The following USP36 variants were observed in gnomAD, a reference collection of about 807,000 sequenced individuals.
The protein encoded by USP36 is ubiquitin specific peptidase 36.
In USP36, 59 loss-of-function variants were observed where a neutral mutation model predicts 111.5. The observed-to-expected ratio is 0.53, with a 90% CI of 0.43 to 0.66. USP36 has a LOEUF of 0.66. Among genes scored for constraint, USP36 ranks in the 30% least tolerant of loss-of-function variants. USP36 has a pLI of 0.00. For missense variants in USP36, 1,488 were observed against 1,468.0 expected (o/e 1.01, Z -0.22); for synonymous variants, 628 against 581.0 (o/e 1.08, Z -1.16).
chr17:78,798,642 G>A lies in USP36; in HGVS notation c.3241-91C>T. The A allele has an allele frequency of 6.3e-7, 1 of 1,575,972 alleles. No homozygotes were observed. The highest frequency in any genetic ancestry group is 2.2e-5 in the East Asian group (1 of 44,676). On this transcript the variant is annotated intron_variant, in intron 19 of 20. Transcript: ENST00000449938. This position sits in a 1 kb window ranked among gnomAD's most constrained non-coding sequence, Gnocchi z 5.1. Reference sequence around the variant, plus strand: ...TGCTGCATGCAGGTCCTGCACACAGGCCGGGCTCTCATGAGCTCTCTGGAG... The same window carrying A: ...TGCTGCATGCAGGTCCTGCACACAGACCGGGCTCTCATGAGCTCTCTGGAG...
chr17:78,837,873 C>T (rs2068827926), intron 2 of USP36, among the ~76,000 whole-genome samples: 1 of 152,214 alleles, frequency 6.6e-6, no homozygotes, highest in Admixed American at 6.5e-5. Flanking sequence ...AAATTTATCA[C>T]TGTGGATCAT....
rs143701541 is a variant in USP36, at chr17:78,827,343, G to A, written c.591C>T (p.Ile197=). The change falls in exon 6 of 21, where the codon ATC becomes ATT. Residue 197 remains isoleucine (I), a synonymous_variant. Coordinates refer to ENST00000449938, the MANE Select transcript of USP36 (RefSeq NM_001385174.1). ...PVSFIRDLKK[I]ARHFRFGNQE... ...GGTTCCCAAAGCGGAAGTGTCGGGC[G>A]ATCTCTAAAAGAGGAAGAAACAGGG... 2.7e-5 allele frequency: 43 copies of A among 1,610,990 alleles called. No homozygotes were observed. Among genetic ancestry groups the A allele is most frequent in the Middle Eastern group, 3.3e-4 (2 of 6,070 alleles).
At chr17:78,835,224 G>C in intron 4 of USP36, 56 bp downstream of exon 4, 1 of 1,558,428 alleles carries the variant, frequency 6.4e-7, no homozygotes, top group Non-Finnish European at 8.8e-7. Context: ...CAAGTGCATG[G>C]GCTTATCTAA....
intron 13 of USP36, among the ~76,000 whole-genome samples, chr17:78,811,605 C>G (rs1486753894): frequency 6.6e-6 from 1 of 152,100 alleles, no homozygotes; most frequent in Non-Finnish European, 1.5e-5. Context: ...CACAGTGGCT[C>G]ACGTCTGTAA....
chr17:78,823,207 T>C (rs781603055), intron 6 of USP36: 31 of 398,454 alleles, frequency 7.8e-5, no homozygotes, highest in Non-Finnish European at 1.1e-4. Context: ...AAATGAAAAA[T>C]CAACTGCCAC....
chr17:78,832,099 CAA>C (rs1364871377), intron 4 of USP36, among the ~76,000 whole-genome samples: 1 of 152,106 alleles, frequency 6.6e-6, no homozygotes, highest in Non-Finnish European at 1.5e-5. Context: ...AAATATAACT[CAA>C]AAGTCAATCC....
intron 1 of USP36, among the ~76,000 whole-genome samples, chr17:78,839,693 T>C (rs2069061650): frequency 6.6e-6 from 1 of 152,154 alleles, no homozygotes; most frequent in South Asian, 2.1e-4. Context: ...GACAGGTCAA[T>C]CTCTACTTCA....
In USP36 at chr17:78,836,324, C is replaced by A; in HGVS notation, c.40G>T (p.Gly14Cys). Residue 14 changes from glycine (G) to cysteine (C), a missense_variant, in exon 3 of 21, where the codon GGC (glycine) becomes TGC (cysteine). Gly to Cys is a radical substitution (Grantham distance 159). This residue lies in a region of USP36 where 219 missense variants were observed against 209.5 expected (regional missense o/e 1.05). Transcript: ENST00000449938. The stretch of plus-strand genomic sequence containing the variant: ...CCATCATCAGCCGAGTCCTTGCGGC[C>A]GGGTTTCAGGGCCTCCTTCAACTTA... ...VDKLKEALKP[G>C]RKDSADDGEL... 6.2e-7 allele frequency: 1 copy of A among 1,614,138 alleles called. No homozygotes were observed. The highest frequency in any genetic ancestry group is 8.5e-7 in the Non-Finnish European group (1 of 1,180,018).
At chr17:78,795,290 T>A (rs369770421), downstream of USP36, among the ~76,000 whole-genome samples, 3 of 152,244 alleles carry the variant, frequency 2.0e-5, no homozygotes, top group East Asian at 5.8e-4. This position sits in a 1 kb window ranked among gnomAD's most constrained non-coding sequence, Gnocchi z 4.5. Context: ...GCCAAACCCC[T>A]AAAGAGAAGC....
At chr17:78,828,619 G>C (rs1181703060) in intron 5 of USP36, among the ~76,000 whole-genome samples, 1 of 152,142 alleles carries the variant, frequency 6.6e-6, no homozygotes. Flanking sequence ...TTAGCACAGA[G>C]GGATTCCCAA....
chr17:78,802,135 C>T lies in USP36; in HGVS notation c.3022+189G>A, dbSNP rs563430515. ...GTGCACACCCACGCGGTCCCCCAAC[C>T]CCTCGCCTGGTGCACACCCACGCGG... is the stretch of plus-strand genomic sequence containing the variant. On this transcript the variant is annotated intron_variant, in intron 17 of 20. Coordinates refer to ENST00000449938, the MANE Select transcript of USP36 (RefSeq NM_001385174.1). Among the ~76,000 whole-genome samples the T allele has an allele frequency of 3.1e-3, 464 of 150,656 alleles. 2 individuals are homozygous for T. The highest frequency in any genetic ancestry group is 5.1e-3 in the Non-Finnish European group (345 of 67,502).
At chr17:78,802,714 AG>A (rs1219832016) in intron 16 of USP36, among the ~76,000 whole-genome samples, 179 bp from the exon 17 acceptor site, 1 of 152,158 alleles carries the variant, frequency 6.6e-6, no homozygotes, top group Non-Finnish European at 1.5e-5. Flanking sequence ...GCAGCCACGG[AG>A]ACAGTAGAGG....
At chr17:78,822,652 G>A (rs1046031894) in intron 6 of USP36, among the ~76,000 whole-genome samples, 43 of 152,288 alleles carry the variant, frequency 2.8e-4, no homozygotes, top group Middle Eastern at 3.4e-3. Flanking sequence ...CTTCTCACCC[G>A]GACCCGGGGC....
chr17:78,820,962 CA>C, intron 8 of USP36, 28 bp downstream of exon 8: 1 of 1,598,052 alleles, frequency 6.3e-7, no homozygotes, highest in South Asian at 1.1e-5. Flanking sequence ...TCTCCTACTG[CA>C]AAAGTGAAGG....
In USP36 at chr17:78,836,222, T is replaced by G; in HGVS notation, c.142A>C (p.Ser48Arg). ...QKIEFEPASK[S>R]FSYQLEALKS... is the part of the protein sequence containing the mutation. The stretch of plus-strand genomic sequence containing the variant: ...AAGGCCTCCAGCTGGTAGGAGAAGC[T>G]CTTGCTGGCTGGCTCGAACTCGATT... Residue 48 changes from serine to arginine, a missense_variant, in exon 3 of 21, where the codon AGC (serine) becomes CGC (arginine). Coordinates refer to ENST00000449938, the MANE Select transcript of USP36 (RefSeq NM_001385174.1). 1.2e-6 allele frequency: 2 copies of G among 1,614,104 alleles called. No individual in the cohort carries two copies. The highest frequency in any genetic ancestry group is 8.5e-7 in the Non-Finnish European group (1 of 1,180,028).
intron 13 of USP36, among the ~76,000 whole-genome samples, chr17:78,809,628 CTTTG>C (rs774110042): frequency 2.0e-4 from 30 of 152,042 alleles, no homozygotes; most frequent in Non-Finnish European, 4.0e-4. Flanking sequence ...GTGGGGCTTC[CTTTG>C]TTTTTCTGGG....
intron 3 of USP36, 143 bp downstream of exon 3, chr17:78,835,968 T>G (rs2068627163): frequency 1.5e-5 from 18 of 1,183,474 alleles, no homozygotes; most frequent in Non-Finnish European, 2.0e-5. Flanking sequence ...CTTCTATAAC[T>G]GAAATCCACT....
In USP36 at chr17:78,798,278, CAT is replaced by C. The variant is rs997580677; in HGVS notation, c.*20+120_*20+121del. 157 of 1,321,584 alleles carry C rather than the reference CAT, an allele frequency of 1.2e-4. 1 individual carries two copies. The highest frequency in any genetic ancestry group is 1.3e-4 in the Non-Finnish European group (127 of 972,706). 81.9% of individuals were successfully genotyped at this position (1,321,584 alleles called of 1,614,324 possible). A position where few individuals can be genotyped will look rare whatever the true frequency, so the allele number is the denominator to read the frequency against. On this transcript the variant is annotated intron_variant, in intron 20 of 20. Coordinates refer to ENST00000449938, the MANE Select transcript of USP36 (RefSeq NM_001385174.1). This position sits in a 1 kb window ranked among gnomAD's most constrained non-coding sequence, Gnocchi z 5.1. ...CACACCACACACACCACCCAACACA[CAT>C]GTGCCAGATACACAGCCCACATACA...
chr17:78,813,664 C>T, intron 12 of USP36, 109 bp downstream of exon 12: 1 of 928,106 alleles, frequency 1.1e-6, no homozygotes, highest in Non-Finnish European at 1.7e-6. Flanking sequence ...ACAAATCCCT[C>T]CAGTGGAATT....
Sources: allele counts gnomAD v4.1 joint callset (sites outside exome capture counted in the v4.1 genomes callset), GRCh38; gene constraint gnomAD v4.1.1; regional missense constraint gnomAD v4.1.1; non-coding constraint Gnocchi (gnomAD v3.1); transcripts MANE v1.5; gene names NCBI Gene and HGNC (gene_info 2026-07-23, HGNC 2026-07-21).